Variants in NATD1 observed in about 807,000 individuals in gnomAD.
The protein encoded by NATD1 is N-acetyltransferase domain containing 1, also known as protein NATD1.
Under a neutral mutation model 12.0 loss-of-function variants are expected in NATD1, and 9 were observed. The observed-to-expected ratio is 0.75, with a 90% CI of 0.45 to 1.30. The LOEUF (loss-of-function observed/expected upper bound fraction) is 1.30. Ranked by LOEUF, NATD1 falls within the 50% of genes most tolerant of loss-of-function variation. The pLI, the probability that NATD1 is intolerant of heterozygous loss-of-function variation, is 0.00. For missense variants in NATD1, 148 were observed against 148.5 expected, an observed-to-expected ratio of 1.00 and a Z score of 0.02; for synonymous variants, 71 against 65.9, an observed-to-expected ratio of 1.08 and a Z score of -0.37.
At chr17:21,251,293 G>GAAAAAAAA (rs923554742) in intron 1 of NATD1, among the ~76,000 whole-genome samples, 24 of 85,456 alleles carry the variant, frequency 2.8e-4, no homozygotes, top group African/African-American at 5.1e-4. Context: ...GAAAGAAAAA[G>GAAAAAAAA]AAAAAAAAAA....
intron 2 of NATD1, among the ~76,000 whole-genome samples, chr17:21,243,630 C>T (rs1185759244): frequency 6.6e-6 from 1 of 152,206 alleles, no homozygotes; most frequent in Non-Finnish European, 1.5e-5. Flanking sequence ...TCACCTCTCC[C>T]CTACAAGCCC....
intron 1 of NATD1, among the ~76,000 whole-genome samples, chr17:21,252,642 G>A (rs1006984551): frequency 1.5e-4 from 23 of 152,014 alleles, no homozygotes; most frequent in African/African-American, 2.7e-4. Context: ...CAGGTCCGCA[G>A]GCCTCCCCCG....
At position 21,249,704 on chromosome 17, in the gene NATD1, C is replaced by T. The variant is rs147312090; in HGVS notation, c.106+3455G>A. ...CAGCAAGTGGGACACTCAGCCCTGC[C>T]TGTGAGGGAAAGGGAAGGCTAAGGA... On this transcript the variant is annotated intron_variant, in intron 1 of 2. Coordinates refer to ENST00000611551, the MANE Select transcript of NATD1 (RefSeq NM_152914.3). Among the ~76,000 whole-genome samples, 252 of 152,308 alleles carry T rather than the reference C, an allele frequency of 1.7e-3. 4 individuals carry two copies. Among genetic ancestry groups the T allele is most frequent in the Non-Finnish European group, 5.1e-4 (35 of 68,018 alleles).
chr17:21,243,252 G>T lies in NATD1; in HGVS notation c.*61C>A. 1 of 1,381,174 alleles carries T rather than the reference G, an allele frequency of 7.2e-7. No homozygotes were observed. 85.6% of individuals were successfully genotyped at this position (1,381,174 alleles called of 1,614,324 possible). On this transcript the variant is annotated 3_prime_UTR_variant, in exon 3 of 3. Coordinates refer to ENST00000611551, the MANE Select transcript of NATD1 (RefSeq NM_152914.3). ...GGGACCAGGTTCCTGAGAGCACGTG[G>T]GGCCAGGCAAAGGCCACGTGGAAGA...
rs1157124202 is a variant in NATD1 at position 21,244,764 on chromosome 17, G to T, written c.107-540C>A. Among the ~76,000 whole-genome samples the T allele has an allele frequency of 5.3e-5, 8 of 152,204 alleles. No homozygotes were observed. The highest frequency in any genetic ancestry group is 1.5e-5 in the Non-Finnish European group (1 of 68,030). Reference sequence around the variant, plus strand: ...TAGAGTTCATGAGAAACTGACGCTGGGCACAGGAGGCAGGAACAAACGGGT... The same window carrying T: ...TAGAGTTCATGAGAAACTGACGCTGTGCACAGGAGGCAGGAACAAACGGGT... On this transcript the variant is annotated intron_variant, in intron 1 of 2. Transcript: ENST00000611551. This position sits in a 1 kb window ranked among gnomAD's most constrained non-coding sequence, Gnocchi z 5.2.
At position 21,253,152 on chromosome 17, in the gene NATD1, G is replaced by A; in HGVS notation, c.106+7C>T. On this transcript the variant is annotated splice_region_variant and intron_variant, in intron 1 of 2. Transcript: ENST00000611551. Reference sequence around the variant, plus strand: ...CAAAAGGTCGGGGCGGGCCGGGGCCGCCTTACCGTTGAGCCGGACAGTGAA... The same window carrying A: ...CAAAAGGTCGGGGCGGGCCGGGGCCACCTTACCGTTGAGCCGGACAGTGAA... 3.9e-6 allele frequency: 4 copies of A among 1,018,852 alleles called. No homozygotes were observed. Among genetic ancestry groups the A allele is most frequent in the Non-Finnish European group, 4.7e-6 (4 of 852,776 alleles). 63.1% of individuals were successfully genotyped at this position (1,018,852 alleles called of 1,614,324 possible). A position where few individuals can be genotyped will look rare whatever the true frequency, so the allele number is the denominator to read the frequency against.
In NATD1 at chr17:21,244,247, A is replaced by T; in HGVS notation, c.107-23T>A. ...ATCCTGGGGGTTGTGGAGACAGGTAAGCCTATGCTGACTCCCATCCCAGCG... is the reference window on the plus strand; with the variant it reads ...ATCCTGGGGGTTGTGGAGACAGGTATGCCTATGCTGACTCCCATCCCAGCG... On this transcript the variant is annotated intron_variant, in intron 1 of 2. Transcript: ENST00000611551. The surrounding 1 kb of genome is among the most constrained non-coding windows in gnomAD (Gnocchi z 5.2). 1 of 1,597,378 alleles carries T rather than the reference A, an allele frequency of 6.3e-7. No individual in the cohort carries two copies. Among genetic ancestry groups the T allele is most frequent in the Non-Finnish European group, 8.5e-7 (1 of 1,169,670 alleles).
At chr17:21,243,525 C>G (rs1975298111) in intron 2 of NATD1, 96 bp from the exon 3 acceptor site, 4 of 910,056 alleles carry the variant, frequency 4.4e-6, no homozygotes, top group Middle Eastern at 5.4e-4. Context: ...TCCCTGGCCA[C>G]CCTTCCACTT....
At chr17:21,250,564 G>C (rs1975366088) in intron 1 of NATD1, among the ~76,000 whole-genome samples, 1 of 152,158 alleles carries the variant, frequency 6.6e-6, no homozygotes, top group African/African-American at 2.4e-5. Context: ...AATACTTGCG[G>C]GGTGAATCAC....
At chr17:21,247,173 T>C (rs1053132725) in intron 1 of NATD1, among the ~76,000 whole-genome samples, 4 of 152,212 alleles carry the variant, frequency 2.6e-5, no homozygotes, top group Non-Finnish European at 4.4e-5. Flanking sequence ...CTGCCTCCCA[T>C]TGACCCTCAG....
intron 2 of NATD1, 108 bp downstream of exon 2, chr17:21,243,996 AGG>A: frequency 5.2e-6 from 5 of 958,800 alleles, no homozygotes; most frequent in Non-Finnish European, 7.7e-6. Flanking sequence ...GAGAGGACCC[AGG>A]GCCAAGAAGC....
chr17:21,248,894 A>G (rs2144366210), intron 1 of NATD1, among the ~76,000 whole-genome samples: 2 of 152,206 alleles, frequency 1.3e-5, no homozygotes, highest in South Asian at 4.1e-4. Flanking sequence ...CTGTCCCTGG[A>G]TGATCACTAC....
chr17:21,250,781 G>A (rs1975367871), intron 1 of NATD1, among the ~76,000 whole-genome samples: 1 of 152,170 alleles, frequency 6.6e-6, no homozygotes, highest in African/African-American at 2.4e-5. Flanking sequence ...CCCTCACTCA[G>A]AACCAGAGCT....
In NATD1 at chr17:21,239,564, CG is replaced by C. The variant is rs1415488467; in HGVS notation, c.*3748del. On this transcript the variant is annotated 3_prime_UTR_variant, in exon 3 of 3. Transcript: ENST00000611551. ...CAACACTTTGGGAGGCCGAGGTGGG[CG>C]GATCATTTGAGGTCAGGTGTTCAAG... The C allele has an allele frequency of 6.6e-6, 1 of 152,158 alleles. No individual in the cohort carries two copies. Among genetic ancestry groups the C allele is most frequent in the Admixed American group, 6.5e-5 (1 of 15,280 alleles). 9.4% of individuals were successfully genotyped at this position (152,158 alleles called of 1,614,324 possible). A position where few individuals can be genotyped will look rare whatever the true frequency, so the allele number is the denominator to read the frequency against.
At chr17:21,250,009 A>G (rs566464429) in intron 1 of NATD1, among the ~76,000 whole-genome samples, 1 of 152,306 alleles carries the variant, frequency 6.6e-6, no homozygotes, top group East Asian at 1.9e-4. Flanking sequence ...GCCTGTTTGC[A>G]GTGCCTGGAC....
Position 21,242,945 on chromosome 17 carries a change from G to A in NATD1, c.*368C>T, listed in dbSNP as rs540236370. 1.3e-4 allele frequency: 24 copies of A among 187,980 alleles called. 1 individual carries two copies. In the East Asian group the frequency reaches 3.1e-3, roughly 24 times the overall value. 11.6% of individuals were successfully genotyped at this position (187,980 alleles called of 1,614,324 possible). A position where few individuals can be genotyped will look rare whatever the true frequency, so the allele number is the denominator to read the frequency against. The stretch of plus-strand genomic sequence containing the variant: ...TTCTTAATTTCCAGAAAGGACACAG[G>A]CCCAGGAGAGGTGGCAGCAGGGGTC... On this transcript the variant is annotated 3_prime_UTR_variant, in exon 3 of 3. Coordinates refer to ENST00000611551, the MANE Select transcript of NATD1 (RefSeq NM_152914.3).
chr17:21,243,409 C>T lies in NATD1; in HGVS notation c.246G>A (p.Val82=). Residue 82 remains valine (V), a synonymous_variant, in exon 3 of 3, where the codon GTG becomes GTA. Transcript: ENST00000611551. ...HLAKAALDFV[V]EEDLKAHLTC... ...TGAGATGGGCCTTCAGGTCCTCCTCCACCACGAAGTCCAGGGCGGCCTGGG... is the reference window on the plus strand; with the variant it reads ...TGAGATGGGCCTTCAGGTCCTCCTCTACCACGAAGTCCAGGGCGGCCTGGG... The T allele has an allele frequency of 6.2e-7, 1 of 1,613,244 alleles. No individual in the cohort carries two copies.
chr17:21,243,210 C>T lies in NATD1; in HGVS notation c.*103G>A. 1.2e-6 allele frequency: 1 copy of T among 851,582 alleles called. No individual in the cohort carries two copies. The highest frequency in any genetic ancestry group is 1.6e-5 in the South Asian group (1 of 63,300). 52.8% of individuals were successfully genotyped at this position (851,582 alleles called of 1,614,324 possible). On this transcript the variant is annotated 3_prime_UTR_variant, in exon 3 of 3. Transcript: ENST00000611551. ...GATGAGTGTCCTTACAAAAATAACT[C>T]TGAGTCTGTTCCCAGTGGGACCAGG...
At chr17:21,250,941 C>T (rs909433372) in intron 1 of NATD1, among the ~76,000 whole-genome samples, 2 of 152,180 alleles carry the variant, frequency 1.3e-5, no homozygotes, top group Non-Finnish European at 2.9e-5. Flanking sequence ...CCTTACAGGT[C>T]GGGAATGACA....
Sources: gnomAD v4.1 joint callset for allele counts (sites outside exome capture counted in the v4.1 genomes callset) on GRCh38, gnomAD v4.1.1 for gene constraint, Gnocchi (gnomAD v3.1) non-coding constraint, MANE v1.5 for transcripts, NCBI Gene and HGNC (gene_info 2026-07-23, HGNC 2026-07-21) for gene names.